DISP1: variants seen among roughly 807,000 people sequenced by gnomAD.
The protein encoded by DISP1 is dispatched RND transporter family member 1, also known as protein dispatched homolog 1.
DISP1 carries 30 observed loss-of-function variants against 37.3 expected under a neutral mutation model. That is an observed-to-expected ratio of 0.80 (90% CI 0.60 to 1.09). The LOEUF is 1.09. DISP1 is among the 50% of genes least tolerant of loss of function. The probability of loss-of-function intolerance (pLI) is 0.00; values close to 1 mark genes in which losing one functional copy is unlikely to be tolerated. For synonymous variants in DISP1, 634 were observed against 690.2 expected (o/e 0.92, Z 1.28); for missense variants, 1,598 against 1,879.5 (o/e 0.85, Z 2.77).
chr1:222,908,942 T>C (rs1429590503), intron 1 of DISP1, among the ~76,000 whole-genome samples: 1 of 152,106 alleles, frequency 6.6e-6, no homozygotes, highest in African/African-American at 2.4e-5. Flanking sequence ...TTTGCAAATT[T>C]ATTGTATCCT....
At chr1:222,884,991 T>G (rs1036099204) in intron 1 of DISP1, among the ~76,000 whole-genome samples, 1 of 152,040 alleles carries the variant, frequency 6.6e-6, no homozygotes. Flanking sequence ...CGCCCGCCAC[T>G]ACGCCCGGCT....
chr1:222,910,452 A>G (rs1672149267), intron 1 of DISP1, among the ~76,000 whole-genome samples: 1 of 152,212 alleles, frequency 6.6e-6, no homozygotes, highest in Non-Finnish European at 1.5e-5. Flanking sequence ...TACCATTCAC[A>G]TAACCTTTCT....
chr1:222,852,813 T>G (rs1231040919), intron 1 of DISP1, among the ~76,000 whole-genome samples: 2 of 152,124 alleles, frequency 1.3e-5, no homozygotes, highest in African/African-American at 4.8e-5. Flanking sequence ...TAACCACTGA[T>G]GATGAACTTT....
intron 1 of DISP1, among the ~76,000 whole-genome samples, chr1:222,817,976 A>C (rs1661676908): frequency 6.6e-6 from 1 of 152,284 alleles, no homozygotes. Flanking sequence ...TGAGTGAGGC[A>C]TCACATTACA....
At chr1:222,872,006 G>T (rs1193413096) in intron 1 of DISP1, among the ~76,000 whole-genome samples, 1 of 151,766 alleles carries the variant, frequency 6.6e-6, no homozygotes, top group Non-Finnish European at 1.5e-5. Flanking sequence ...AAGGGTTGTT[G>T]AATTTTGTCA....
At chr1:222,991,175 A>T (rs901373571) in intron 5 of DISP1, among the ~76,000 whole-genome samples, 1 of 152,214 alleles carries the variant, frequency 6.6e-6, no homozygotes, top group Non-Finnish European at 1.5e-5. Flanking sequence ...ATAATGAAAC[A>T]CTCTTTGTAA....
intron 1 of DISP1, among the ~76,000 whole-genome samples, chr1:222,852,359 T>C (rs1668312920): frequency 6.6e-6 from 1 of 151,950 alleles, no homozygotes; most frequent in Non-Finnish European, 1.5e-5. Flanking sequence ...TTTTGGTGGT[T>C]TTTTTGTTTT....
Position 222,942,878 on chromosome 1 carries a change from G to A in DISP1, c.55G>A (p.Ala19Thr), listed in dbSNP as rs776285881. 4.3e-5 allele frequency: 70 copies of A among 1,613,956 alleles called. No individual in the cohort carries two copies. The highest frequency in any genetic ancestry group is 8.9e-5 in the East Asian group (4 of 44,896). The change falls in exon 3 of 9, where the codon GCA becomes ACA. Residue 19 changes from alanine to threonine, a missense_variant. By Grantham distance (58) the Ala-to-Thr change is moderately conservative. Coordinates refer to ENST00000675850, the MANE Select transcript of DISP1 (RefSeq NM_001377229.1). ...TGTGGTTCTGAGCAACAGCAGCATC[G>A]CAACCAGTGCTGCTAACCCGAGTCC... ...DFVVLSNSSI[A>T]TSAANPSPLT...
chr1:222,854,530 AGGTGAGATTTG>A (rs1668448408), intron 1 of DISP1, among the ~76,000 whole-genome samples: 1 of 152,126 alleles, frequency 6.6e-6, no homozygotes, highest in Non-Finnish European at 1.5e-5. Context: ...TTACAATTCA[AGGTGAGATTTG>A]GGTGGGGACA....
intron 1 of DISP1, among the ~76,000 whole-genome samples, chr1:222,878,160 A>G (rs1347999494): frequency 6.6e-6 from 1 of 152,242 alleles, no homozygotes; most frequent in African/African-American, 2.4e-5. Flanking sequence ...AACAGCTTTA[A>G]ACAATGAGGC....
intron 1 of DISP1, among the ~76,000 whole-genome samples, chr1:222,829,444 ATG>A (rs769026082): frequency 3.6e-4 from 51 of 143,206 alleles, no homozygotes; most frequent in African/African-American, 1.1e-3. Context: ...TTCTCTTTGA[ATG>A]TTTTTTTTTT....
intron 3 of DISP1, among the ~76,000 whole-genome samples, chr1:222,962,848 C>T (rs1676169274): frequency 1.3e-5 from 2 of 152,132 alleles, no homozygotes; most frequent in African/African-American, 2.4e-5. Context: ...CTAGGCAGTA[C>T]CATTCAGGAC....
intron 2 of DISP1, among the ~76,000 whole-genome samples, chr1:222,937,539 C>A (rs1167400607): frequency 6.6e-6 from 1 of 152,154 alleles, no homozygotes; most frequent in Non-Finnish European, 1.5e-5. Context: ...TTTTTACATT[C>A]TCATAGTAAT....
intron 3 of DISP1, among the ~76,000 whole-genome samples, chr1:222,965,554 C>G (rs1022337055): frequency 3.9e-5 from 6 of 152,082 alleles, no homozygotes; most frequent in Non-Finnish European, 8.8e-5. Context: ...TGTTTACCAC[C>G]TCTTCTTAAA....
intron 1 of DISP1, among the ~76,000 whole-genome samples, chr1:222,878,141 C>T (rs546779597): frequency 1.3e-5 from 2 of 152,294 alleles, no homozygotes; most frequent in East Asian, 3.9e-4. Flanking sequence ...GCTTCAAGGA[C>T]TGTTTGGAAA....
intron 8 of DISP1, among the ~76,000 whole-genome samples, chr1:222,999,515 C>G (rs988600607): frequency 2.6e-5 from 4 of 152,154 alleles, no homozygotes; most frequent in African/African-American, 7.2e-5. Context: ...ATCATACTTA[C>G]AGACTTTGGT....
chr1:222,911,431 T>C (rs575107431), intron 1 of DISP1, among the ~76,000 whole-genome samples: 2 of 152,304 alleles, frequency 1.3e-5, no homozygotes, highest in South Asian at 2.1e-4. Context: ...GTTAAGGAAC[T>C]CTTAAAGGAA....
rs1679564706 is a variant in DISP1 at position 223,002,828 on chromosome 1, T to C, written c.1431T>C (p.Ser477=). The C allele has an allele frequency of 6.2e-7, 1 of 1,614,078 alleles. No individual in the cohort carries two copies. The highest frequency in any genetic ancestry group is 1.1e-5 in the South Asian group (1 of 91,072). The change falls in exon 9 of 9, where the codon TCT becomes TCC. Residue 477 remains serine, a synonymous_variant. Transcript: ENST00000675850. ...TGGACAACTTTGAAAACTGGAACTCTTCTGACGGCGTGACTACCATCACCG... is the reference window on the plus strand; with the variant it reads ...TGGACAACTTTGAAAACTGGAACTCCTCTGACGGCGTGACTACCATCACCG... The part of the protein sequence containing the change: ...IYLDNFENWN[S]SDGVTTITGI...
At chr1:222,902,529 G>C (rs934003462) in intron 1 of DISP1, among the ~76,000 whole-genome samples, 1 of 152,032 alleles carries the variant, frequency 6.6e-6, no homozygotes, top group Non-Finnish European at 1.5e-5. Context: ...CCTACAAAAT[G>C]GGAGAAAATT....
Sources: gnomAD v4.1 joint callset for allele counts (sites outside exome capture counted in the v4.1 genomes callset) on GRCh38, gnomAD v4.1.1 for gene constraint, MANE v1.5 for transcripts, NCBI Gene and HGNC (gene_info 2026-07-23, HGNC 2026-07-21) for gene names.